The following KSR2 variants were observed in gnomAD, a reference collection of about 807,000 sequenced individuals.
KSR2 encodes the protein kinase suppressor of ras 2.
In KSR2, 25 loss-of-function variants were observed where a neutral mutation model predicts 107.8. The observed-to-expected ratio is 0.23, with a 90% CI of 0.17 to 0.32. The LOEUF is 0.32. Ranked by LOEUF, KSR2 falls within the 10% of genes least tolerant of loss-of-function variation. The probability of loss-of-function intolerance (pLI) is 1.00; values close to 1 mark genes in which losing one functional copy is unlikely to be tolerated. For missense variants in KSR2, 887 were observed against 1,268.9 expected (o/e 0.70, Z 4.57); for synonymous variants, 480 against 507.0 (o/e 0.95, Z 0.71).
At chr12:117,491,832 T>A (rs754585205) in intron 14 of KSR2, among the ~76,000 whole-genome samples, 6 of 152,330 alleles carry the variant, frequency 3.9e-5, no homozygotes, top group African/African-American at 9.6e-5. Context: ...CTTTTGCTTC[T>A]TAACAACTTT....
intron 19 of KSR2, 28 bp from the exon 20 acceptor site, chr12:117,467,233 G>A (rs374468786): frequency 2.7e-6 from 2 of 728,238 alleles, no homozygotes; most frequent in South Asian, 1.5e-5. Context: ...GGGAGAGAGT[G>A]GTGAGAGGTC....
intron 4 of KSR2, chr12:117,677,345 C>A (rs934829906): frequency 6.6e-6 from 1 of 152,020 alleles, no homozygotes; most frequent in African/African-American, 2.4e-5. Context: ...GAGCCCCAAT[C>A]CAATAGGATT....
intron 9 of KSR2, among the ~76,000 whole-genome samples, chr12:117,540,757 G>A (rs540956141): frequency 5.9e-5 from 9 of 152,344 alleles, no homozygotes; most frequent in African/African-American, 2.2e-4. Context: ...GAGACTGGGA[G>A]AGAGGCATGG....
intron 7 of KSR2, among the ~76,000 whole-genome samples, chr12:117,573,386 T>C (rs1879031680): frequency 6.6e-6 from 1 of 152,128 alleles, no homozygotes; most frequent in Non-Finnish European, 1.5e-5. Flanking sequence ...CATTAAGCAA[T>C]CTAGTAAGGT....
chr12:117,935,126 C>A (rs1196069976), intron 1 of KSR2, among the ~76,000 whole-genome samples: 1 of 151,578 alleles, frequency 6.6e-6, no homozygotes, highest in East Asian at 1.9e-4. Context: ...CCTTGCCCTG[C>A]CTTCTTATTC....
intron 3 of KSR2, among the ~76,000 whole-genome samples, chr12:117,776,959 C>G (rs1025189753): frequency 3.3e-5 from 5 of 151,712 alleles, no homozygotes; most frequent in Non-Finnish European, 7.4e-5. Flanking sequence ...AATGCTGAAC[C>G]ATTGCGACTA....
chr12:117,908,121 A>G (rs917214769), intron 1 of KSR2, among the ~76,000 whole-genome samples: 9 of 152,240 alleles, frequency 5.9e-5, no homozygotes, highest in African/African-American at 1.9e-4. Flanking sequence ...TGTTGAAATG[A>G]AAATGATTTA....
intron 5 of KSR2, among the ~76,000 whole-genome samples, chr12:117,660,118 A>C (rs181202251): frequency 4.4e-3 from 671 of 152,308 alleles, no homozygotes; most frequent in Non-Finnish European, 8.1e-3. Context: ...GGTGACACTG[A>C]GACTTTGAAT....
intron 17 of KSR2, among the ~76,000 whole-genome samples, chr12:117,474,783 C>A (rs1871672613): frequency 6.6e-6 from 1 of 152,162 alleles, no homozygotes; most frequent in African/African-American, 2.4e-5. Flanking sequence ...CTTTTCTATA[C>A]TAGTCGTGTA....
chr12:117,798,262 G>A (rs7969359), intron 3 of KSR2, among the ~76,000 whole-genome samples: 88,558 of 152,054 alleles, frequency 0.58, 27,476 homozygotes, highest in African/African-American at 0.79. Flanking sequence ...TCTCATATCC[G>A]CGCTTCTGCC....
rs1404100502 is a variant in KSR2 at position 117,463,497 on chromosome 12, T to C, written c.*3702A>G. 6.6e-6 allele frequency: 1 copy of C among 152,258 alleles called. No homozygotes were observed. Among genetic ancestry groups the C allele is most frequent in the Non-Finnish European group, 1.5e-5 (1 of 68,038 alleles). The allele number at this position is 152,258 out of a possible 1,614,324, so 9.4% of individuals were successfully genotyped here. ...AATAGCTGGCTCTGTCACAGTTGCA[T>C]AGGAGCAGCCGTGGTTGTGTAAATG... On this transcript the variant is annotated 3_prime_UTR_variant, in exon 20 of 20. Coordinates refer to ENST00000339824, the MANE Select transcript of KSR2 (RefSeq NM_173598.6).
chr12:117,499,286 A>G lies in KSR2; in HGVS notation c.2220-13595T>C, dbSNP rs571836690. ...AGAGGATAGCCCCCACGGTGTTAGC[A>G]GAGCTATCTCTGGCTACTGGGATTA... On this transcript the variant is annotated intron_variant, in intron 14 of 19. Coordinates refer to ENST00000339824, the MANE Select transcript of KSR2 (RefSeq NM_173598.6). Among the ~76,000 whole-genome samples the G allele has an allele frequency of 7.0e-4, 107 of 152,382 alleles. 1 individual carries two copies. The highest frequency in any genetic ancestry group is 1.0e-3 in the Non-Finnish European group (68 of 68,034).
Position 117,455,606 on chromosome 12 carries a change from C to G in KSR2, c.*11593G>C, listed in dbSNP as rs1247286682. On this transcript the variant is annotated 3_prime_UTR_variant, in exon 20 of 20. Transcript: ENST00000339824. Reference sequence around the variant, plus strand: ...CAGCACCCACTTTTCTCCATTTTTTCCAGAATCACAGGAGGCACTTAACAA... The same window carrying G: ...CAGCACCCACTTTTCTCCATTTTTTGCAGAATCACAGGAGGCACTTAACAA... The G allele has an allele frequency of 6.6e-6, 1 of 152,114 alleles. No homozygotes were observed. Among genetic ancestry groups the G allele is most frequent in the African/African-American group, 2.4e-5 (1 of 41,428 alleles). 9.4% of individuals were successfully genotyped at this position (152,114 alleles called of 1,614,324 possible).
chr12:117,862,799 G>A (rs1385185173), intron 1 of KSR2, among the ~76,000 whole-genome samples: 2 of 147,858 alleles, frequency 1.4e-5, no homozygotes, highest in Non-Finnish European at 3.0e-5. Flanking sequence ...GCGCGATCTC[G>A]GCTCACTGCA....
intron 14 of KSR2, among the ~76,000 whole-genome samples, chr12:117,516,246 C>T (rs944609170): frequency 2.6e-5 from 4 of 152,072 alleles, no homozygotes; most frequent in African/African-American, 9.7e-5. Flanking sequence ...ATTTCTAGTC[C>T]CAACCTTTCG....
intron 4 of KSR2, among the ~76,000 whole-genome samples, chr12:117,684,431 C>T (rs573490009): frequency 1.3e-5 from 2 of 152,288 alleles, no homozygotes; most frequent in East Asian, 3.9e-4. Context: ...TTCCACTGTA[C>T]TATTACATGA....
intron 3 of KSR2, among the ~76,000 whole-genome samples, chr12:117,800,564 G>A (rs1344281707): frequency 6.6e-6 from 1 of 152,062 alleles, no homozygotes; most frequent in Non-Finnish European, 1.5e-5. Flanking sequence ...CCTGAGACTG[G>A]GTGATTTATT....
At chr12:117,707,219 C>T (rs1462398677) in intron 4 of KSR2, among the ~76,000 whole-genome samples, 1 of 151,794 alleles carries the variant, frequency 6.6e-6, no homozygotes, top group Non-Finnish European at 1.5e-5. Flanking sequence ...TTGCCAGGGG[C>T]TAGTTGGGAG....
chr12:117,876,394 G>T (rs1431357689), intron 1 of KSR2, among the ~76,000 whole-genome samples: 1 of 152,224 alleles, frequency 6.6e-6, no homozygotes, highest in African/African-American at 2.4e-5. Context: ...CCAGGCAGAG[G>T]GACCCAACAG....
Sources: gnomAD v4.1 joint callset for allele counts (sites outside exome capture counted in the v4.1 genomes callset) on GRCh38, gnomAD v4.1.1 for gene constraint, MANE v1.5 for transcripts, NCBI Gene and HGNC (gene_info 2026-07-23, HGNC 2026-07-21) for gene names.